Variants in ARHGEF4 observed in about 807,000 individuals in gnomAD.
The protein encoded by ARHGEF4 is Rho guanine nucleotide exchange factor 4.
Under a neutral mutation model 162.0 loss-of-function variants are expected in ARHGEF4, and 119 were observed. The ratio of observed to expected loss-of-function variants is 0.73; its 90% CI spans 0.63 to 0.86. The LOEUF (loss-of-function observed/expected upper bound fraction) is 0.86, where lower values mean the gene tolerates loss of function less well. ARHGEF4 is among the 40% of genes least tolerant of loss of function. The pLI, the probability that ARHGEF4 is intolerant of heterozygous loss-of-function variation, is 0.00. For synonymous variants in ARHGEF4, 1,014 were observed against 979.9 expected, an observed-to-expected ratio of 1.03 and a Z score of -0.65; for missense variants, 2,488 against 2,456.0, an observed-to-expected ratio of 1.01 and a Z score of -0.28.
intron 1 of ARHGEF4, among the ~76,000 whole-genome samples, chr2:130,908,230 A>C (rs942716994): frequency 6.6e-6 from 1 of 152,196 alleles, no homozygotes; most frequent in Admixed American, 6.5e-5. Flanking sequence ...AAGGGATCAC[A>C]TTATTGACTT....
chr2:130,839,977 C>T (rs907375141), intron 1 of ARHGEF4, among the ~76,000 whole-genome samples: 15 of 152,128 alleles, frequency 9.9e-5, no homozygotes, highest in African/African-American at 3.6e-4. Flanking sequence ...AGGTCAAGGT[C>T]TTTGTTGGCT....
chr2:130,918,750 A>G (rs1681687671), intron 2 of ARHGEF4, among the ~76,000 whole-genome samples: 1 of 152,174 alleles, frequency 6.6e-6, no homozygotes, highest in East Asian at 1.9e-4. Flanking sequence ...AAATAGGATC[A>G]CTACCAGCAG....
chr2:130,920,553 T>C (rs756853203), intron 2 of ARHGEF4, among the ~76,000 whole-genome samples: 16 of 152,142 alleles, frequency 1.1e-4, no homozygotes, highest in Non-Finnish European at 1.5e-4. Context: ...AAAGGTTCCC[T>C]CTGTCTGGTA....
At chr2:130,907,639 G>A (rs897044048) in intron 1 of ARHGEF4, among the ~76,000 whole-genome samples, 7 of 151,988 alleles carry the variant, frequency 4.6e-5, no homozygotes, top group Non-Finnish European at 1.0e-4. Context: ...GATTATGACT[G>A]GTATGTTCTA....
At chr2:130,910,101 T>C (rs545915827) in intron 1 of ARHGEF4, among the ~76,000 whole-genome samples, 2 of 152,036 alleles carry the variant, frequency 1.3e-5, no homozygotes, top group African/African-American at 4.8e-5. Context: ...AAATACCTAA[T>C]GTAGGTGACG....
chr2:130,870,413 A>AG (rs1678385272), intron 1 of ARHGEF4, among the ~76,000 whole-genome samples: 1 of 152,100 alleles, frequency 6.6e-6, no homozygotes, highest in African/African-American at 2.4e-5. Context: ...GGCTCAGCTG[A>AG]GGGGAGCCCT....
intron 2 of ARHGEF4, among the ~76,000 whole-genome samples, chr2:130,926,530 C>A (rs547261217): frequency 6.6e-6 from 1 of 152,190 alleles, no homozygotes; most frequent in East Asian, 1.9e-4. Context: ...TTTTGGAAAA[C>A]CACCTCTGAC....
intron 5 of ARHGEF4, among the ~76,000 whole-genome samples, chr2:131,034,657 C>T (rs1232024723): frequency 6.6e-6 from 1 of 152,230 alleles, no homozygotes; most frequent in Non-Finnish European, 1.5e-5. Context: ...GCCCATCCCT[C>T]CCCAAAGCGC....
intron 1 of ARHGEF4, among the ~76,000 whole-genome samples, chr2:130,912,531 A>G (rs1681247744): frequency 6.6e-6 from 1 of 152,250 alleles, no homozygotes; most frequent in South Asian, 2.1e-4. Flanking sequence ...TCAGTTAAGA[A>G]TTAAAAGCAA....
chr2:130,922,628 AGAGT>A (rs1206927801), intron 2 of ARHGEF4, among the ~76,000 whole-genome samples: 4 of 152,230 alleles, frequency 2.6e-5, no homozygotes, highest in Non-Finnish European at 4.4e-5. Flanking sequence ...ATGACTCCTC[AGAGT>A]GAGTTAGTCT....
chr2:131,025,656 G>T (rs1262355832), intron 4 of ARHGEF4, among the ~76,000 whole-genome samples: 1 of 152,016 alleles, frequency 6.6e-6, no homozygotes, highest in Non-Finnish European at 1.5e-5. Context: ...CCTAAACGTC[G>T]ACATTACGAC....
rs185696030 is a variant in ARHGEF4, at chr2:130,846,344, C to A, written c.39+9352C>A. 5.5e-4 allele frequency among the ~76,000 whole-genome samples: 84 copies of A among 152,338 alleles called. No individual in the cohort carries two copies. The East Asian group carries it at 8.7e-3, about 16-fold the overall frequency. On this transcript the variant is annotated intron_variant, in intron 1 of 13. Transcript: ENST00000409359. Reference sequence around the variant, plus strand: ...CCACAACCCAAGAGTCACCTCTTCTCGGGTGCTGGGATCCCAGGAGCCACC... The same window carrying A: ...CCACAACCCAAGAGTCACCTCTTCTAGGGTGCTGGGATCCCAGGAGCCACC...
rs1230651357 is a variant in ARHGEF4, at chr2:131,041,428, G to T, written c.4861G>T (p.Ala1621Ser). ...GATCTGCAAGTACCCTCTGCAGCTG[G>T]CCGAGCTGCTCAAATACACGCACCC... ...QKICKYPLQL[A>S]ELLKYTHPQH... The change falls in exon 9 of 14, where the codon GCC (alanine) becomes TCC (serine). Residue 1621 changes from alanine to serine, a missense_variant. By Grantham distance (99) the Ala-to-Ser change is moderately conservative. Around this residue, in one of 6 missense-constraint regions of ARHGEF4, gnomAD observed 415 missense variants for 512.4 expected, o/e 0.81. Transcript: ENST00000409359. 1 of 1,613,064 alleles carries T rather than the reference G, an allele frequency of 6.2e-7. No individual in the cohort carries two copies. Among genetic ancestry groups the T allele is most frequent in the Non-Finnish European group, 8.5e-7 (1 of 1,180,010 alleles).
chr2:130,866,410 G>A (rs1337707062), intron 1 of ARHGEF4, among the ~76,000 whole-genome samples: 1 of 152,080 alleles, frequency 6.6e-6, no homozygotes, highest in Non-Finnish European at 1.5e-5. Context: ...GGTGGGTATG[G>A]CAGGCAGGAT....
At chr2:131,031,981 C>T (rs78264157) in intron 5 of ARHGEF4, among the ~76,000 whole-genome samples, 12,474 of 152,288 alleles carry the variant, frequency 0.082, 710 homozygotes, top group African/African-American at 0.17. Context: ...ATGATGTGAC[C>T]AGGGGAGAGG....
At chr2:131,041,498 C>T (rs1299093256) in intron 9 of ARHGEF4, 36 bp downstream of exon 9, 18 of 1,575,674 alleles carry the variant, frequency 1.1e-5, no homozygotes, top group Non-Finnish European at 1.5e-5. Flanking sequence ...CAGCCCACGC[C>T]TCTGCATGCC....
intron 4 of ARHGEF4, among the ~76,000 whole-genome samples, chr2:130,993,141 G>A (rs1200462243): frequency 6.6e-6 from 1 of 152,104 alleles, no homozygotes; most frequent in African/African-American, 2.4e-5. Flanking sequence ...ACAAGCCTAA[G>A]GCTATATATT....
At chr2:130,854,103 A>G (rs1231773121) in intron 1 of ARHGEF4, among the ~76,000 whole-genome samples, 1 of 152,202 alleles carries the variant, frequency 6.6e-6, no homozygotes, top group Admixed American at 6.5e-5. Context: ...ATGACCAATA[A>G]AAGAGAAACG....
intron 5 of ARHGEF4, among the ~76,000 whole-genome samples, chr2:131,036,498 A>C (rs575621720): frequency 2.8e-4 from 42 of 152,266 alleles, no homozygotes; most frequent in African/African-American, 8.7e-4. Flanking sequence ...GCTTGTCCCT[A>C]ATGGTGCCTG....
Sources: gnomAD v4.1 joint callset for allele counts (sites outside exome capture counted in the v4.1 genomes callset) on GRCh38, gnomAD v4.1.1 for gene constraint, gnomAD v4.1.1 regional missense constraint, MANE v1.5 for transcripts, NCBI Gene and HGNC (gene_info 2026-07-23, HGNC 2026-07-21) for gene names.